Variants in EPSTI1 observed in about 807,000 individuals in gnomAD.
EPSTI1 encodes the protein epithelial stromal interaction 1.
In EPSTI1, 66 loss-of-function variants were observed where a neutral mutation model predicts 49.9. The observed-to-expected ratio is 1.32, with a 90% CI of 1.08 to 1.62. EPSTI1 has a LOEUF of 1.62. EPSTI1 is among the 40% of genes most tolerant of loss of function. The pLI, the probability that EPSTI1 is intolerant of heterozygous loss-of-function variation, is 0.00. For missense variants in EPSTI1, 394 were observed against 365.5 expected, an observed-to-expected ratio of 1.08 and a Z score of -0.64; for synonymous variants, 137 against 130.7, an observed-to-expected ratio of 1.05 and a Z score of -0.33.
At chr13:42,973,280 TACC>T (rs1259273466) in intron 1 of EPSTI1, among the ~76,000 whole-genome samples, 1 of 152,184 alleles carries the variant, frequency 6.6e-6, no homozygotes, top group Non-Finnish European at 1.5e-5. Flanking sequence ...AGCTTACAGG[TACC>T]TAATAGAGAA....
chr13:42,964,018 G>C (rs768532838), intron 4 of EPSTI1, 48 bp downstream of exon 4: 1 of 1,478,342 alleles, frequency 6.8e-7, no homozygotes, highest in South Asian at 1.2e-5. Flanking sequence ...GTAAGAGCTG[G>C]TACTCATATT....
intron 10 of EPSTI1, among the ~76,000 whole-genome samples, chr13:42,892,488 G>A (rs2037066533): frequency 6.6e-6 from 1 of 152,180 alleles, no homozygotes; most frequent in Admixed American, 6.5e-5. Context: ...CTAGCTGTGT[G>A]GGTGTGAGAG....
At chr13:42,892,210 A>G (rs1415879387) in intron 10 of EPSTI1, among the ~76,000 whole-genome samples, 1 of 152,234 alleles carries the variant, frequency 6.6e-6, no homozygotes, top group African/African-American at 2.4e-5. Flanking sequence ...AGCTGCTGGA[A>G]GGACTTCGGC....
intron 8 of EPSTI1, among the ~76,000 whole-genome samples, chr13:42,900,811 T>C (rs1166730760): frequency 6.6e-6 from 1 of 152,178 alleles, no homozygotes; most frequent in Non-Finnish European, 1.5e-5. Context: ...AAATAAATAT[T>C]GGACTCAATC....
intron 1 of EPSTI1, among the ~76,000 whole-genome samples, chr13:42,982,253 C>CT (rs1211247432): frequency 6.6e-6 from 1 of 152,124 alleles, no homozygotes; most frequent in Non-Finnish European, 1.5e-5. Flanking sequence ...TTCCTCAAAG[C>CT]TACACTCCCA....
intron 5 of EPSTI1, among the ~76,000 whole-genome samples, chr13:42,956,746 C>A (rs115563092): frequency 6.6e-6 from 1 of 152,092 alleles, no homozygotes; most frequent in African/African-American, 2.4e-5. Context: ...CAGAACTTAA[C>A]GTTTTTAATA....
chr13:42,946,066 C>T (rs1280399816), intron 6 of EPSTI1, among the ~76,000 whole-genome samples: 2 of 152,006 alleles, frequency 1.3e-5, no homozygotes, highest in Non-Finnish European at 2.9e-5. Context: ...TCAACTGAGC[C>T]CTTAAGTGTC....
In EPSTI1 at chr13:42,917,576, TTC is replaced by T. The variant is rs1352690529; in HGVS notation, c.704_705del (p.Arg235LysfsTer8). The T allele has an allele frequency of 6.2e-7, 1 of 1,612,128 alleles. No homozygotes were observed. The highest frequency in any genetic ancestry group is 1.3e-5 in the African/African-American group (1 of 74,872). ...YRDSLKAEEN[R>X]KLQKMKDEQH... is the part of the protein sequence containing the mutation. Reference sequence around the variant, plus strand: ...TGTTCATCCTTCATCTTTTGCAATTTTCTGTTTTCTTCTGCCTTTAGAGAATC... The same window carrying T: ...TGTTCATCCTTCATCTTTTGCAATTTTGTTTTCTTCTGCCTTTAGAGAATC... On this transcript the variant is annotated frameshift_variant, in exon 8 of 11. Coordinates refer to ENST00000313624, the MANE Select transcript of EPSTI1 (RefSeq NM_033255.5). LOFTEE classifies it high-confidence loss of function.
chr13:42,986,004 A>G (rs987108962), intron 1 of EPSTI1, among the ~76,000 whole-genome samples: 1 of 152,232 alleles, frequency 6.6e-6, no homozygotes, highest in Non-Finnish European at 1.5e-5. Context: ...CTCTGCTGCA[A>G]GTGCCATTGT....
At chr13:42,963,958 G>T in intron 4 of EPSTI1, 108 bp downstream of exon 4, 1 of 943,500 alleles carries the variant, frequency 1.1e-6, no homozygotes, top group Non-Finnish European at 1.5e-6. Flanking sequence ...GCAACTGGTT[G>T]GAAGGTTTTA....
At position 42,966,724 on chromosome 13, in the gene EPSTI1, C is replaced by T. The variant is rs1291381184; in HGVS notation, c.331+2370G>A. On this transcript the variant is annotated intron_variant, in intron 3 of 10. Coordinates refer to ENST00000313624, the MANE Select transcript of EPSTI1 (RefSeq NM_033255.5). ...TCAGCCCCCCGCCCGGCCAGCCGCC[C>T]CGTCCGGGAGGTGAGGGGCGCCTCC... is the stretch of plus-strand genomic sequence containing the variant. Among the ~76,000 whole-genome samples, 4 of 89,798 alleles carry T rather than the reference C, an allele frequency of 4.5e-5. 2 individuals carry two copies. The highest frequency in any genetic ancestry group is 2.6e-4 in the Admixed American group (2 of 7,652). 58.9% of individuals were successfully genotyped at this position (89,798 alleles called of 152,430 possible).
rs76528008 is a variant in EPSTI1 at position 42,927,952 on chromosome 13, A to G, written c.564-1523T>C. ...AGGCCATAGGAGAAAGCAGTGAAAA[A>G]GAAACACTGTGACAAGCAAGGAAGA... On this transcript the variant is annotated intron_variant, in intron 6 of 10. Transcript: ENST00000313624. Among the ~76,000 whole-genome samples the G allele has an allele frequency of 9.3e-3, 1,411 of 152,328 alleles. 38 individuals are homozygous for G. In the South Asian group the frequency reaches 0.099, roughly 11 times the overall value.
intron 6 of EPSTI1, among the ~76,000 whole-genome samples, chr13:42,953,612 G>A (rs959433534): frequency 2.6e-5 from 4 of 152,224 alleles, no homozygotes; most frequent in African/African-American, 9.6e-5. Context: ...TTTAGACGCT[G>A]CTTAGGCACT....
intron 6 of EPSTI1, among the ~76,000 whole-genome samples, chr13:42,928,636 G>C (rs1334253859): frequency 6.6e-6 from 1 of 152,036 alleles, no homozygotes; most frequent in Non-Finnish European, 1.5e-5. Context: ...TCATTCTTAG[G>C]TTGATTTCTA....
intron 7 of EPSTI1, among the ~76,000 whole-genome samples, chr13:42,920,285 T>C (rs1264539257): frequency 6.6e-6 from 1 of 152,128 alleles, no homozygotes; most frequent in East Asian, 1.9e-4. Context: ...TCCTGTTCCA[T>C]TCTCCCCAAA....
At chr13:42,938,956 T>A (rs2038660797) in intron 6 of EPSTI1, among the ~76,000 whole-genome samples, 1 of 149,822 alleles carries the variant, frequency 6.7e-6, no homozygotes, top group Admixed American at 6.7e-5. Context: ...ATACACACCT[T>A]CATCAATGAT....
chr13:42,951,621 A>C (rs1490461228), intron 6 of EPSTI1, among the ~76,000 whole-genome samples: 1 of 152,196 alleles, frequency 6.6e-6, no homozygotes, highest in African/African-American at 2.4e-5. Context: ...AGTAAAACAC[A>C]AACTCAAGAA....
rs753433367 is a variant in EPSTI1, at chr13:42,917,597, G to T, written c.685C>A (p.Leu229Ile). The T allele has an allele frequency of 1.5e-6, 2 of 1,364,208 alleles. No individual in the cohort carries two copies. The highest frequency in any genetic ancestry group is 1.5e-5 in the African/African-American group (1 of 65,382). The allele number at this position is 1,364,208 out of a possible 1,614,324, so 84.5% of individuals were successfully genotyped here. A position where few individuals can be genotyped will look rare whatever the true frequency, so the allele number is the denominator to read the frequency against. The change falls in exon 8 of 11, where the codon CTA becomes ATA. Residue 229 changes from leucine to isoleucine, a missense_variant. Coordinates refer to ENST00000313624, the MANE Select transcript of EPSTI1 (RefSeq NM_033255.5). ...AATTTTCTGTTTTCTTCTGCCTTTA[G>T]AGAATCTCTGTAAGCCCAGCTTCTG... ...WARSWAYRDS[L>I]KAEENRKLQK...
intron 6 of EPSTI1, among the ~76,000 whole-genome samples, chr13:42,942,932 C>T (rs2038805509): frequency 6.6e-6 from 1 of 152,012 alleles, no homozygotes; most frequent in Admixed American, 6.6e-5. Flanking sequence ...TCATGATCCA[C>T]CCACCTCGGC....
Sources: gnomAD v4.1 joint callset for allele counts (sites outside exome capture counted in the v4.1 genomes callset) on GRCh38, gnomAD v4.1.1 for gene constraint, MANE v1.5 for transcripts, NCBI Gene and HGNC (gene_info 2026-07-23, HGNC 2026-07-21) for gene names.